NXPH1: variants seen among roughly 807,000 people sequenced by gnomAD.
NXPH1 encodes neurexophilin 1, also known as neurexophilin-1.
A neutral mutation model predicts 23.7 loss-of-function variants in NXPH1; 5 were observed. That is an observed-to-expected ratio of 0.21 (90% CI 0.11 to 0.44). NXPH1 has a LOEUF of 0.44. NXPH1 is among the 20% of genes least tolerant of loss of function. The probability of loss-of-function intolerance (pLI) is 0.99; values close to 1 mark genes in which losing one functional copy is unlikely to be tolerated. For synonymous variants in NXPH1, 144 were observed against 122.2 expected, an observed-to-expected ratio of 1.18 and a Z score of -1.18; for missense variants, 324 against 321.6, an observed-to-expected ratio of 1.01 and a Z score of -0.06.
intron 2 of NXPH1, among the ~76,000 whole-genome samples, chr7:8,457,997 A>G (rs1339505575): frequency 6.6e-6 from 1 of 152,218 alleles, no homozygotes; most frequent in Admixed American, 6.5e-5. Flanking sequence ...TAATAATGTC[A>G]TATTAAATGT....
At chr7:8,670,906 G>A (rs1820858760) in intron 2 of NXPH1, among the ~76,000 whole-genome samples, 1 of 152,122 alleles carries the variant, frequency 6.6e-6, no homozygotes, top group South Asian at 2.1e-4. Flanking sequence ...TCCATACACA[G>A]TGTATTAGGT....
intron 2 of NXPH1, among the ~76,000 whole-genome samples, chr7:8,733,236 C>T (rs955131386): frequency 1.3e-5 from 2 of 152,170 alleles, no homozygotes; most frequent in Non-Finnish European, 2.9e-5. Flanking sequence ...GCATAGTATT[C>T]CATGGTGTAT....
intron 2 of NXPH1, among the ~76,000 whole-genome samples, chr7:8,670,646 C>T (rs1469527544): frequency 6.6e-6 from 1 of 152,206 alleles, no homozygotes; most frequent in Non-Finnish European, 1.5e-5. Context: ...CTTTAGGCTG[C>T]CCAATATCGT....
At chr7:8,573,472 C>G (rs1327993651) in intron 2 of NXPH1, among the ~76,000 whole-genome samples, 2 of 151,968 alleles carry the variant, frequency 1.3e-5, no homozygotes, top group Non-Finnish European at 2.9e-5. Context: ...AGACAGGAAA[C>G]AAAAGAGCAC....
chr7:8,724,150 A>C (rs1348239451), intron 2 of NXPH1, among the ~76,000 whole-genome samples: 1 of 152,170 alleles, frequency 6.6e-6, no homozygotes, highest in African/African-American at 2.4e-5. Flanking sequence ...AGCTCACAGA[A>C]TAGGTGGTTC....
intron 2 of NXPH1, among the ~76,000 whole-genome samples, chr7:8,588,983 A>T (rs1159729339): frequency 6.6e-6 from 1 of 152,160 alleles, no homozygotes; most frequent in Non-Finnish European, 1.5e-5. Context: ...AAATAGAAAA[A>T]AATCTAGACT....
intron 2 of NXPH1, among the ~76,000 whole-genome samples, chr7:8,735,788 C>T (rs1780243256): frequency 6.6e-6 from 1 of 152,030 alleles, no homozygotes. Context: ...GGTTGGTAGG[C>T]TGTTAATTAC....
At chr7:8,441,710 G>A (rs904283614) in intron 2 of NXPH1, among the ~76,000 whole-genome samples, 1 of 152,200 alleles carries the variant, frequency 6.6e-6, no homozygotes, top group Non-Finnish European at 1.5e-5. Context: ...TTTTTATTGA[G>A]ATAATATATT....
Position 8,457,988 on chromosome 7 carries a change from A to G in NXPH1, c.54+22221A>G, listed in dbSNP as rs956348371. On this transcript the variant is annotated intron_variant, in intron 2 of 2. Coordinates refer to ENST00000405863, the MANE Select transcript of NXPH1 (RefSeq NM_152745.3). ...GAGGCAGGTTCCCAAAGCAATTCTT[A>G]ATAATGTCATATTAAATGTTTTTAT... 6.6e-5 allele frequency among the ~76,000 whole-genome samples: 10 copies of G among 152,262 alleles called. No homozygotes were observed. In the East Asian group the frequency reaches 1.9e-3, roughly 29 times the overall value.
intron 2 of NXPH1, among the ~76,000 whole-genome samples, chr7:8,730,145 A>T (rs1254000415): frequency 1.3e-5 from 2 of 149,104 alleles, no homozygotes; most frequent in Non-Finnish European, 3.0e-5. Flanking sequence ...CTGTTTTATC[A>T]GAGACTAGGA....
intron 2 of NXPH1, among the ~76,000 whole-genome samples, chr7:8,660,237 G>A (rs149830187): frequency 6.3e-4 from 96 of 152,176 alleles, no homozygotes; most frequent in Non-Finnish European, 1.1e-3. Context: ...TTTCTATTTT[G>A]CAAATAAGGA....
At chr7:8,452,690 G>C (rs1366509830) in intron 2 of NXPH1, among the ~76,000 whole-genome samples, 2 of 152,098 alleles carry the variant, frequency 1.3e-5, no homozygotes, top group Non-Finnish European at 2.9e-5. Context: ...CTATTCAAAT[G>C]TTTGACTTGT....
intron 2 of NXPH1, among the ~76,000 whole-genome samples, chr7:8,466,298 C>G (rs1012757564): frequency 6.6e-6 from 1 of 152,174 alleles, no homozygotes; most frequent in African/African-American, 2.4e-5. Context: ...AAATACAACG[C>G]TAGTCTGTAT....
At chr7:8,517,692 T>A (rs898476118) in intron 2 of NXPH1, among the ~76,000 whole-genome samples, 1 of 152,154 alleles carries the variant, frequency 6.6e-6, no homozygotes, top group Non-Finnish European at 1.5e-5. Context: ...GGCTTCTGTT[T>A]ACAGAAATGG....
At chr7:8,467,723 G>A (rs922515784) in intron 2 of NXPH1, among the ~76,000 whole-genome samples, 1 of 152,154 alleles carries the variant, frequency 6.6e-6, no homozygotes, top group African/African-American at 2.4e-5. Context: ...ACTATGACCA[G>A]TTAGTTAATA....
intron 2 of NXPH1, among the ~76,000 whole-genome samples, chr7:8,606,829 A>G (rs114647155): frequency 3.2e-4 from 48 of 152,262 alleles, no homozygotes; most frequent in African/African-American, 9.9e-4. Context: ...TGAAGAATCT[A>G]AAAAAACAGA....
At chr7:8,682,923 C>A (rs1171306104) in intron 2 of NXPH1, among the ~76,000 whole-genome samples, 4 of 152,158 alleles carry the variant, frequency 2.6e-5, no homozygotes, top group African/African-American at 9.7e-5. Flanking sequence ...CACAAAGAGC[C>A]CTTGATTTCA....
rs1167396269 is a variant in NXPH1, at chr7:8,435,825, A to G, written c.54+58A>G. On this transcript the variant is annotated intron_variant, in intron 2 of 2. Coordinates refer to ENST00000405863, the MANE Select transcript of NXPH1 (RefSeq NM_152745.3). This position sits in a 1 kb window ranked among gnomAD's most constrained non-coding sequence, Gnocchi z 5.9. ...TTTACCCCGGCCGGGAGGCAAGGAA[A>G]CTGGGGACACGCGGGAGAAGGGTTA... 1.3e-6 allele frequency: 2 copies of G among 1,505,942 alleles called. No homozygotes were observed. Among genetic ancestry groups the G allele is most frequent in the Admixed American group, 1.7e-5 (1 of 59,878 alleles). The allele number at this position is 1,505,942 out of a possible 1,614,324, so 93.3% of individuals were successfully genotyped here.
intron 2 of NXPH1, among the ~76,000 whole-genome samples, chr7:8,534,974 AG>A (rs1371862930): frequency 6.6e-6 from 1 of 152,146 alleles, no homozygotes; most frequent in African/African-American, 2.4e-5. Flanking sequence ...ATAGACAAAA[AG>A]AAAAAACCCA....
Sources: allele counts gnomAD v4.1 joint callset (sites outside exome capture counted in the v4.1 genomes callset), GRCh38; gene constraint gnomAD v4.1.1; non-coding constraint Gnocchi (gnomAD v3.1); transcripts MANE v1.5; gene names NCBI Gene and HGNC (gene_info 2026-07-23, HGNC 2026-07-21).